The following SCFD2 variants were observed in gnomAD, a reference collection of about 807,000 sequenced individuals.
SCFD2 encodes the protein sec1 family domain containing 2.
SCFD2 carries 54 observed loss-of-function variants against 58.9 expected under a neutral mutation model. The ratio of observed to expected loss-of-function variants is 0.92; its 90% CI spans 0.74 to 1.15. The LOEUF is 1.15. Ranked by LOEUF, SCFD2 falls within the 50% of genes most tolerant of loss-of-function variation. SCFD2 has a pLI of 0.00. For synonymous variants in SCFD2, 321 were observed against 335.9 expected, an observed-to-expected ratio of 0.96 and a Z score of 0.49; for missense variants, 805 against 836.6, an observed-to-expected ratio of 0.96 and a Z score of 0.47.
At chr4:53,057,863 A>G (rs1723392182) in intron 5 of SCFD2, among the ~76,000 whole-genome samples, 1 of 152,108 alleles carries the variant, frequency 6.6e-6, no homozygotes, top group South Asian at 2.1e-4. Context: ...CCAAAATGTA[A>G]CGTTACCAAC....
intron 5 of SCFD2, among the ~76,000 whole-genome samples, chr4:53,127,812 T>A (rs1295748369): frequency 1.3e-5 from 2 of 152,168 alleles, no homozygotes; most frequent in Admixed American, 6.5e-5. Context: ...GACCTTCTGC[T>A]GCTCTGAAAA....
chr4:53,008,355 C>A (rs530834908), intron 5 of SCFD2, among the ~76,000 whole-genome samples: 6 of 152,142 alleles, frequency 3.9e-5, no homozygotes, highest in African/African-American at 1.4e-4. Flanking sequence ...TCCCTCCCCA[C>A]CCTGGCACAG....
intron 5 of SCFD2, among the ~76,000 whole-genome samples, chr4:52,932,556 T>G (rs1047879324): frequency 2.6e-5 from 4 of 152,196 alleles, no homozygotes; most frequent in African/African-American, 4.8e-5. Context: ...TTTCATATTT[T>G]TGGGGAAGGC....
At chr4:52,875,660 A>G (rs1173934958) in intron 8 of SCFD2, among the ~76,000 whole-genome samples, 1 of 151,768 alleles carries the variant, frequency 6.6e-6, no homozygotes, top group Non-Finnish European at 1.5e-5. Context: ...ATGAAGAGAA[A>G]AAGTAGAAGA....
chr4:53,121,606 G>A (rs181696343), intron 5 of SCFD2, among the ~76,000 whole-genome samples: 14 of 152,288 alleles, frequency 9.2e-5, no homozygotes, highest in Middle Eastern at 6.8e-3. Context: ...TCCCTTCCAC[G>A]TCCACAAAAG....
chr4:53,003,763 T>G (rs1233627402), intron 5 of SCFD2, among the ~76,000 whole-genome samples: 1 of 152,218 alleles, frequency 6.6e-6, no homozygotes, highest in Non-Finnish European at 1.5e-5. Flanking sequence ...ATTTGGTCAA[T>G]GAAGGCAGCT....
chr4:53,131,097 G>T (rs1725774558), intron 5 of SCFD2, among the ~76,000 whole-genome samples: 1 of 152,072 alleles, frequency 6.6e-6, no homozygotes, highest in South Asian at 2.1e-4. Flanking sequence ...TAAAATGAAT[G>T]ATTCAGCAGA....
intron 5 of SCFD2, among the ~76,000 whole-genome samples, chr4:53,096,997 T>A (rs1266305597): frequency 2.6e-5 from 4 of 152,236 alleles, no homozygotes; most frequent in Non-Finnish European, 5.9e-5. Flanking sequence ...CTTGTTTTTG[T>A]CAGGTTTGTC....
At chr4:52,903,188 G>A (rs17643154) in intron 7 of SCFD2, among the ~76,000 whole-genome samples, 7,370 of 152,296 alleles carry the variant, frequency 0.048, 254 homozygotes, top group Non-Finnish European at 0.072. Context: ...CACTGTCAGC[G>A]TGGAAAGGAG....
intron 2 of SCFD2, among the ~76,000 whole-genome samples, chr4:53,332,517 T>C (rs1002820489): frequency 3.0e-4 from 45 of 152,232 alleles, no homozygotes; most frequent in Non-Finnish European, 5.0e-4. Flanking sequence ...TCTCAATAGA[T>C]GCAGAAAATG....
At chr4:53,042,337 G>GTATA (rs145304372) in intron 5 of SCFD2, among the ~76,000 whole-genome samples, 189 of 149,052 alleles carry the variant, frequency 1.3e-3, no homozygotes, top group African/African-American at 4.4e-3. Context: ...GTGTGTGTGT[G>GTATA]TATATATATA....
chr4:53,195,652 CCAGA>C (rs576517899), intron 4 of SCFD2, among the ~76,000 whole-genome samples: 42 of 152,246 alleles, frequency 2.8e-4, no homozygotes, highest in Admixed American at 2.5e-3. Flanking sequence ...GTGCTACTTT[CCAGA>C]CAGACTGAAG....
Position 52,907,532 on chromosome 4 carries a change from T to C in SCFD2, c.1767A>G (p.Pro589=), listed in dbSNP as rs984150670. The C allele has an allele frequency of 6.2e-7, 1 of 1,614,034 alleles. No homozygotes were observed. Among genetic ancestry groups the C allele is most frequent in the Non-Finnish European group, 8.5e-7 (1 of 1,179,900 alleles). Residue 589 remains proline, a synonymous_variant, in exon 7 of 9, where the codon CCA becomes CCG. Transcript: ENST00000401642. ...VVEEIFHPER[P]DSVDIEHMSS... is the part of the protein sequence containing the mutation. ...ACATGTGTTCAATATCAACGGAATC[T>C]GGCCTCTCGGGATGAAATATTTCCT...
At chr4:53,362,643 ACAAGTATAGACAACTCTTT>A (rs1325539913) in intron 1 of SCFD2, among the ~76,000 whole-genome samples, 1 of 151,596 alleles carries the variant, frequency 6.6e-6, no homozygotes, top group Non-Finnish European at 1.5e-5. Flanking sequence ...TGTGGAGACA[ACAAGTATAGACAACTCTTT>A]CAAGTTTGCT....
At chr4:53,064,645 T>A (rs1173603479) in intron 5 of SCFD2, among the ~76,000 whole-genome samples, 2 of 152,146 alleles carry the variant, frequency 1.3e-5, no homozygotes, top group Non-Finnish European at 2.9e-5. Flanking sequence ...AAGGCTCTGT[T>A]ATTGAATAAG....
At position 52,961,722 on chromosome 4, in the gene SCFD2, G is replaced by A. The variant is rs180887173; in HGVS notation, c.1562-40852C>T. On this transcript the variant is annotated intron_variant, in intron 5 of 8. Coordinates refer to ENST00000401642, the MANE Select transcript of SCFD2 (RefSeq NM_152540.4). The stretch of plus-strand genomic sequence containing the variant: ...GACTTATGGGTGAGAAAATACTGAT[G>A]ACAGAGGTAACATTTTAGTAAGAGT... 9.3e-4 allele frequency among the ~76,000 whole-genome samples: 141 copies of A among 152,296 alleles called. 1 individual carries two copies. The highest frequency in any genetic ancestry group is 3.3e-3 in the African/African-American group (136 of 41,558).
chr4:52,982,906 T>C (rs1383910188), intron 5 of SCFD2, among the ~76,000 whole-genome samples: 1 of 152,144 alleles, frequency 6.6e-6, no homozygotes, highest in Non-Finnish European at 1.5e-5. Context: ...AAAATAATAA[T>C]CCACCTGGAG....
chr4:53,055,509 A>G (rs1241959621), intron 5 of SCFD2, among the ~76,000 whole-genome samples: 3 of 152,186 alleles, frequency 2.0e-5, no homozygotes, highest in African/African-American at 7.2e-5. Context: ...TTACAAAACC[A>G]CATATGAAGC....
chr4:53,123,701 A>G (rs1303187441), intron 5 of SCFD2, among the ~76,000 whole-genome samples: 1 of 152,226 alleles, frequency 6.6e-6, no homozygotes, highest in Non-Finnish European at 1.5e-5. Context: ...TTGCTCCAGA[A>G]GAAAGGGCAA....
Sources: allele counts gnomAD v4.1 joint callset (sites outside exome capture counted in the v4.1 genomes callset), GRCh38; gene constraint gnomAD v4.1.1; transcripts MANE v1.5; gene names NCBI Gene and HGNC (gene_info 2026-07-23, HGNC 2026-07-21).